Variants in MID1 observed in about 807,000 individuals in gnomAD.
MID1 encodes the protein E3 ubiquitin-protein ligase Midline-1.
MID1 carries 7 observed loss-of-function variants against 40.4 expected under a neutral mutation model. The observed-to-expected ratio is 0.17, with a 90% CI of 0.10 to 0.33. MID1 has a LOEUF of 0.33. Among genes scored for constraint, MID1 ranks in the 10% least tolerant of loss-of-function variants. The pLI is 1.00. For synonymous variants in MID1, 229 were observed against 221.2 expected (o/e 1.04, Z -0.31); for missense variants, 367 against 558.5 (o/e 0.66, Z 3.46).
At chrX:10,681,021 G>A (rs2043055699) in intron 1 of MID1, among the ~76,000 whole-genome samples, 1 of 86,666 alleles carries the variant, frequency 1.2e-5, no homozygotes, top group East Asian at 3.8e-4. Flanking sequence ...GCCAGACCCT[G>A]TCTCAATAAT....
intron 5 of MID1, among the ~76,000 whole-genome samples, chrX:10,479,818 T>C (rs1451466465): frequency 8.9e-6 from 1 of 112,137 alleles, no homozygotes; most frequent in Non-Finnish European, 1.9e-5. Flanking sequence ...TGAGGATATC[T>C]CTTCTATATA....
At chrX:10,584,464 C>T (rs1935092135) in intron 1 of MID1, among the ~76,000 whole-genome samples, 1 of 111,673 alleles carries the variant, frequency 9.0e-6, no homozygotes, top group Non-Finnish European at 1.9e-5. Context: ...TCAGTACTTA[C>T]TCACCAGCTT....
chrX:10,806,375 A>G (rs1244039597), intron 1 of MID1, among the ~76,000 whole-genome samples: 1 of 112,010 alleles, frequency 8.9e-6, no homozygotes, highest in Non-Finnish European at 1.9e-5. Context: ...ATTAGGCCCA[A>G]TGGCTTCTGC....
intron 8 of MID1, 38 bp from the exon 9 acceptor site, chrX:10,455,115 AGAG>A (rs781093675): frequency 9.1e-7 from 1 of 1,101,441 alleles, no homozygotes; most frequent in Non-Finnish European, 1.3e-6. Context: ...AGGAAGAGGA[AGAG>A]GATTGTTTAT....
At chrX:10,752,009 G>A (rs2043602188) in intron 1 of MID1, among the ~76,000 whole-genome samples, 1 of 111,506 alleles carries the variant, frequency 9.0e-6, no homozygotes, top group Admixed American at 9.5e-5. Context: ...ATGTGACATG[G>A]CTGCTCTCCC....
chrX:10,777,627 A>G (rs1463705150), intron 1 of MID1, among the ~76,000 whole-genome samples: 1 of 90,912 alleles, frequency 1.1e-5, no homozygotes, highest in Non-Finnish European at 2.2e-5. Flanking sequence ...TGCAACCTCC[A>G]CCTCCCAGGT....
chrX:10,526,770 G>T (rs1016250365), intron 2 of MID1, among the ~76,000 whole-genome samples: 17 of 111,767 alleles, frequency 1.5e-4, no homozygotes, highest in African/African-American at 5.2e-4. Flanking sequence ...ATCCTTTGGG[G>T]TTATTCAAAT....
At chrX:10,461,195 CTTTT>C (rs748770056) in intron 7 of MID1, among the ~76,000 whole-genome samples, 3 of 92,537 alleles carry the variant, frequency 3.2e-5, no homozygotes, top group Admixed American at 1.2e-4. Flanking sequence ...TTTCTGTTGC[CTTTT>C]TTTTTTTTTT....
intron 1 of MID1, among the ~76,000 whole-genome samples, chrX:10,597,674 T>C (rs1054166647): frequency 8.9e-6 from 1 of 112,207 alleles, no homozygotes; most frequent in Non-Finnish European, 1.9e-5. Context: ...ACAGGCTCCT[T>C]GTGACAGGGG....
At chrX:10,825,241 C>T (rs931238684) in intron 1 of MID1, among the ~76,000 whole-genome samples, 5 of 111,664 alleles carry the variant, frequency 4.5e-5, no homozygotes, top group African/African-American at 1.3e-4. Flanking sequence ...TAATGCAACA[C>T]CTGCACAAAG....
chrX:10,666,877 G>A (rs1254780009), intron 1 of MID1, among the ~76,000 whole-genome samples: 1 of 111,890 alleles, frequency 8.9e-6, no homozygotes, highest in African/African-American at 3.2e-5. Flanking sequence ...GCTTAAATAT[G>A]CAATATGGGG....
intron 1 of MID1, among the ~76,000 whole-genome samples, chrX:10,784,932 C>A (rs2043871458): frequency 9.0e-6 from 1 of 110,969 alleles, no homozygotes; most frequent in Admixed American, 9.6e-5. Flanking sequence ...GGGATGCCCT[C>A]TCTCACCACT....
At chrX:10,729,904 G>A (rs1470390442) in intron 1 of MID1, among the ~76,000 whole-genome samples, 5 of 109,834 alleles carry the variant, frequency 4.6e-5, no homozygotes, top group African/African-American at 1.7e-4. Context: ...TTAACATGGT[G>A]AAACCCCGTC....
At chrX:10,558,100 T>C (rs1934195553) in intron 2 of MID1, among the ~76,000 whole-genome samples, 1 of 109,335 alleles carries the variant, frequency 9.1e-6, no homozygotes, top group Non-Finnish European at 1.9e-5. Flanking sequence ...TATTACTCTA[T>C]AGAAAATGGT....
At chrX:10,726,280 A>G (rs1002823179) in intron 1 of MID1, among the ~76,000 whole-genome samples, 6 of 112,328 alleles carry the variant, frequency 5.3e-5, no homozygotes, top group Admixed American at 1.9e-4. Context: ...TATAATTAAC[A>G]ACAATTTCTT....
At chrX:10,498,238 G>T (rs1001323582) in intron 3 of MID1, among the ~76,000 whole-genome samples, 3 of 111,597 alleles carry the variant, frequency 2.7e-5, no homozygotes, top group Admixed American at 1.9e-4. Flanking sequence ...TGAGTAGCTG[G>T]GACTACAGGC....
intron 1 of MID1, among the ~76,000 whole-genome samples, chrX:10,827,812 C>T (rs1373675818): frequency 3.6e-5 from 4 of 110,675 alleles, no homozygotes; most frequent in South Asian, 3.9e-4. Context: ...CAAAGTATGT[C>T]GGCACGGTGC....
At chrX:10,453,363 A>C (rs58892837) in intron 9 of MID1, among the ~76,000 whole-genome samples, 5,921 of 111,896 alleles carry the variant, frequency 0.053, 367 homozygotes, top group African/African-American at 0.18. Flanking sequence ...GTGTTTTATC[A>C]TGCTTATATT....
At chrX:10,700,132 T>C (rs1235979551) in intron 1 of MID1, among the ~76,000 whole-genome samples, 1 of 111,625 alleles carries the variant, frequency 9.0e-6, no homozygotes. Context: ...AGCTCAATAG[T>C]TTTAATAAAG....
Sources: allele counts gnomAD v4.1 joint callset (sites outside exome capture counted in the v4.1 genomes callset), GRCh38; gene constraint gnomAD v4.1.1; transcripts MANE v1.5; gene names NCBI Gene and HGNC (gene_info 2026-07-23, HGNC 2026-07-21).